The following PDE12 variants were observed in gnomAD, a reference collection of about 807,000 sequenced individuals.
PDE12 encodes the protein 2',5'-phosphodiesterase 12.
PDE12 carries 26 observed loss-of-function variants against 45.4 expected under a neutral mutation model. The ratio of observed to expected loss-of-function variants is 0.57; its 90% CI spans 0.42 to 0.79. PDE12 has a LOEUF of 0.79. Among genes scored for constraint, PDE12 ranks in the 30% least tolerant of loss-of-function variants. PDE12 has a pLI of 0.00. For synonymous variants in PDE12, 283 were observed against 323.9 expected (o/e 0.87, Z 1.36); for missense variants, 668 against 790.0 (o/e 0.85, Z 1.85).
At chr3:57,558,418 A>G (rs1165099046) in intron 1 of PDE12, among the ~76,000 whole-genome samples, 1 of 152,194 alleles carries the variant, frequency 6.6e-6, no homozygotes, top group Non-Finnish European at 1.5e-5. Context: ...TTACGCTTGA[A>G]AACACTTTCT....
At chr3:57,602,574 C>CT in the PDE12 span, among the ~76,000 whole-genome samples, 2 of 152,048 alleles carry the variant, frequency 1.3e-5, no homozygotes, top group African/African-American at 2.4e-5. Context: ...ATTGTCTCCT[C>CT]TTTTTTTGTT....
At chr3:57,611,559 CAA>C in the PDE12 span, among the ~76,000 whole-genome samples, 1 of 152,074 alleles carries the variant, frequency 6.6e-6, no homozygotes, top group Non-Finnish European at 1.5e-5. Flanking sequence ...ACAACCCCAT[CAA>C]AAAGTGGGAG....
Position 57,557,206 on chromosome 3 carries a change from C to A in PDE12, c.827C>A (p.Thr276Asn). 4.4e-6 allele frequency: 7 copies of A among 1,601,768 alleles called. No individual in the cohort carries two copies. ...TGTGTGGTAGAGGCTGGGCCTGGCA[C>A]CTGCACTTTTGACCACCGGCATCTC... ...SVCVVEAGPG[T>N]CTFDHRHLYT... The change falls in exon 1 of 3, where the codon ACC (threonine) becomes AAC (asparagine). Residue 276 changes from threonine to asparagine, a missense_variant. Transcript: ENST00000311180.
chr3:57,614,093 G>A, the PDE12 span, among the ~76,000 whole-genome samples: 1 of 151,906 alleles, frequency 6.6e-6, no homozygotes, highest in Non-Finnish European at 1.5e-5. Flanking sequence ...GATTTCAATA[G>A]CCCTCTCTTA....
the PDE12 span, among the ~76,000 whole-genome samples, chr3:57,585,894 T>G: frequency 2.6e-5 from 4 of 152,104 alleles, no homozygotes; most frequent in Non-Finnish European, 5.9e-5. Context: ...ACTCCTGACC[T>G]CGGGTGATCT....
the PDE12 span, chr3:57,584,267 T>G: frequency 7.2e-5 from 77 of 1,065,606 alleles, no homozygotes; most frequent in Non-Finnish European, 9.9e-5. Flanking sequence ...CCGGCCTGTT[T>G]TAAAAGTACT....
chr3:57,560,046 A>C lies in PDE12; in HGVS notation c.*42A>C, dbSNP rs2069711180. The C allele has an allele frequency of 6.5e-7, 1 of 1,541,024 alleles. No individual in the cohort carries two copies. The highest frequency in any genetic ancestry group is 2.0e-5 in the Admixed American group (1 of 49,136). On this transcript the variant is annotated 3_prime_UTR_variant, in exon 3 of 3. Transcript: ENST00000311180. Reference sequence around the variant, plus strand: ...ATTGAAGTCTGAAAAGGAAGTAGTTATTTTAGCAGAAAATTTAATATGAAT... The same window carrying C: ...ATTGAAGTCTGAAAAGGAAGTAGTTCTTTTAGCAGAAAATTTAATATGAAT...
At chr3:57,654,110 G>A in the PDE12 span, among the ~76,000 whole-genome samples, 179 of 149,318 alleles carry the variant, frequency 1.2e-3, no homozygotes, top group Non-Finnish European at 2.0e-3. Context: ...ACCACGCCCG[G>A]CTAATTTTTT....
At chr3:57,644,314 A>AT in the PDE12 span, among the ~76,000 whole-genome samples, 3 of 151,642 alleles carry the variant, frequency 2.0e-5, no homozygotes, top group African/African-American at 7.3e-5. Flanking sequence ...TTACAAAAAA[A>AT]TTTTTTTTGA....
chr3:57,629,292 C>A, the PDE12 span, among the ~76,000 whole-genome samples: 1 of 152,158 alleles, frequency 6.6e-6, no homozygotes, highest in Non-Finnish European at 1.5e-5. Context: ...TTCGGATATG[C>A]TCTTCCTGGG....
In PDE12 at chr3:57,564,044, T is replaced by C. The variant is rs552534569; in HGVS notation, c.*4040T>C. ...TAGAGCTGTATTAACTTCGTGATTT[T>C]ATTTTTCTTCTTAGCACTAACTTCA... On this transcript the variant is annotated 3_prime_UTR_variant, in exon 3 of 3. Coordinates refer to ENST00000311180, the MANE Select transcript of PDE12 (RefSeq NM_177966.7). 5.3e-5 allele frequency: 8 copies of C among 152,348 alleles called. No individual in the cohort carries two copies. The highest frequency in any genetic ancestry group is 7.4e-5 in the Non-Finnish European group (5 of 68,022). 9.4% of individuals were successfully genotyped at this position (152,348 alleles called of 1,614,324 possible).
Position 57,562,101 on chromosome 3 carries a change from G to C in PDE12, c.*2097G>C, listed in dbSNP as rs916297064. 1.0e-6 allele frequency: 1 copy of C among 981,990 alleles called. No individual in the cohort carries two copies. The highest frequency in any genetic ancestry group is 1.8e-5 in the African/African-American group (1 of 57,092). 60.8% of individuals were successfully genotyped at this position (981,990 alleles called of 1,614,324 possible). ...TGTTTTTGGGCTGTTTTCAAAGAAA[G>C]ATGTTGATAGAACCCTTAGAGTGAC... On this transcript the variant is annotated 3_prime_UTR_variant, in exon 3 of 3. Coordinates refer to ENST00000311180, the MANE Select transcript of PDE12 (RefSeq NM_177966.7).
the PDE12 span, chr3:57,641,502 AT>A: frequency 1.3e-5 from 6 of 448,906 alleles, no homozygotes; most frequent in Non-Finnish European, 2.3e-5. Context: ...GAGCCTGCAT[AT>A]TTTAGTGGGA....
the PDE12 span, chr3:57,646,259 G>T: frequency 6.4e-7 from 1 of 1,566,628 alleles, no homozygotes; most frequent in East Asian, 2.3e-5. Flanking sequence ...TCACCAACAG[G>T]TTAAGTACTG....
At chr3:57,649,440 G>A in the PDE12 span, among the ~76,000 whole-genome samples, 11,286 of 151,356 alleles carry the variant, frequency 0.075, 1,440 homozygotes, top group African/African-American at 0.26. Flanking sequence ...ATGGAAAACC[G>A]TACAGAGATT....
chr3:57,572,092 T>C, the PDE12 span: 1 of 725,550 alleles, frequency 1.4e-6, no homozygotes, highest in Admixed American at 2.2e-5. Flanking sequence ...AAAATAAGTT[T>C]AATATTCTGC....
the PDE12 span, chr3:57,583,779 A>G: frequency 2.6e-5 from 19 of 723,936 alleles, no homozygotes; most frequent in East Asian, 3.8e-4. Context: ...GGAAGTGGTG[A>G]TAAGACAAAT....
At chr3:57,581,502 C>A in the PDE12 span, among the ~76,000 whole-genome samples, 1 of 152,158 alleles carries the variant, frequency 6.6e-6, no homozygotes, top group African/African-American at 2.4e-5. Flanking sequence ...TCATATCTAA[C>A]TCTTTCAAAA....
chr3:57,562,093 C>T lies in PDE12; in HGVS notation c.*2089C>T, dbSNP rs1031065165. ...TAAAAATATGTTTTTGGGCTGTTTT[C>T]AAAGAAAGATGTTGATAGAACCCTT... On this transcript the variant is annotated 3_prime_UTR_variant, in exon 3 of 3. Coordinates refer to ENST00000311180, the MANE Select transcript of PDE12 (RefSeq NM_177966.7). The T allele has an allele frequency of 2.5e-5, 25 of 981,366 alleles. No individual in the cohort carries two copies. In the South Asian group the frequency reaches 7.1e-4, roughly 28 times the overall value. 60.8% of individuals were successfully genotyped at this position (981,366 alleles called of 1,614,324 possible).
Sources: allele counts gnomAD v4.1 joint callset (sites outside exome capture counted in the v4.1 genomes callset), GRCh38; gene constraint gnomAD v4.1.1; transcripts MANE v1.5; gene names NCBI Gene and HGNC (gene_info 2026-07-23, HGNC 2026-07-21).